Variants in HNRNPC observed in about 807,000 individuals in gnomAD.
HNRNPC encodes heterogeneous nuclear ribonucleoproteins C1/C2.
A neutral mutation model predicts 33.2 loss-of-function variants in HNRNPC; 3 were observed. The observed-to-expected ratio is 0.09, with a 90% CI of 0.04 to 0.23. The LOEUF (loss-of-function observed/expected upper bound fraction) is 0.23, where lower values mean the gene tolerates loss of function less well. HNRNPC is among the 10% of genes least tolerant of loss of function. HNRNPC has a pLI of 1.00. For synonymous variants in HNRNPC, 121 were observed against 126.7 expected, an observed-to-expected ratio of 0.96 and a Z score of 0.30; for missense variants, 143 against 366.7, an observed-to-expected ratio of 0.39 and a Z score of 4.98.
intron 5 of HNRNPC, 120 bp from the exon 6 acceptor site, chr14:21,213,237 T>G: frequency 9.2e-7 from 1 of 1,091,806 alleles, no homozygotes; most frequent in Non-Finnish European, 1.3e-6. Flanking sequence ...TTATTAAATT[T>G]CATTAAGAAG....
chr14:21,228,453 G>A (rs1380037077), intron 5 of HNRNPC, among the ~76,000 whole-genome samples: 2 of 151,996 alleles, frequency 1.3e-5, no homozygotes, highest in African/African-American at 2.4e-5. Context: ...GTGCAGTGGC[G>A]CGATCTCAAC....
intron 2 of HNRNPC, among the ~76,000 whole-genome samples, chr14:21,255,687 A>G (rs911311859): frequency 6.6e-6 from 1 of 152,250 alleles, no homozygotes; most frequent in African/African-American, 2.4e-5. Context: ...TCTTAAGCAC[A>G]TAGTACACAA....
chr14:21,264,615 C>T (rs370654449), intron 1 of HNRNPC: 1 of 152,186 alleles, frequency 6.6e-6, no homozygotes, highest in African/African-American at 2.4e-5. Flanking sequence ...CTGGTTGTTT[C>T]ATCAGCTAAA....
intron 2 of HNRNPC, among the ~76,000 whole-genome samples, chr14:21,245,396 G>A (rs149246185): frequency 5.3e-5 from 8 of 151,942 alleles, no homozygotes; most frequent in South Asian, 2.1e-4. Context: ...CTCGCGAGGC[G>A]GAGGCAGGAG....
chr14:21,229,196 C>T (rs1207992866), intron 5 of HNRNPC, among the ~76,000 whole-genome samples: 1 of 151,688 alleles, frequency 6.6e-6, no homozygotes, highest in Admixed American at 6.6e-5. Flanking sequence ...CGAGATCATC[C>T]TGGCTAACAC....
chr14:21,231,113 C>A, intron 3 of HNRNPC, 41 bp from the exon 4 acceptor site: 1 of 1,555,974 alleles, frequency 6.4e-7, no homozygotes, highest in Non-Finnish European at 8.8e-7. Flanking sequence ...AACTTTGTAT[C>A]CGGGTAAAAC....
At chr14:21,236,208 C>A (rs1011357176) in intron 2 of HNRNPC, among the ~76,000 whole-genome samples, 1 of 152,096 alleles carries the variant, frequency 6.6e-6, no homozygotes, top group African/African-American at 2.4e-5. Context: ...TCCAGGCATA[C>A]AAGGATGCTA....
intron 5 of HNRNPC, among the ~76,000 whole-genome samples, chr14:21,217,267 T>C (rs561674076): frequency 6.6e-6 from 1 of 152,360 alleles, no homozygotes; most frequent in Admixed American, 6.5e-5. Context: ...GCTTGTGTTT[T>C]ATTTCTAAAC....
chr14:21,232,150 AC>A (rs1343402167), intron 3 of HNRNPC, among the ~76,000 whole-genome samples: 1 of 152,148 alleles, frequency 6.6e-6, no homozygotes, highest in East Asian at 1.9e-4. Flanking sequence ...CTACCCTGCC[AC>A]CCACTGCCTA....
chr14:21,226,330 A>T lies in HNRNPC; in HGVS notation c.365+3989T>A, dbSNP rs1475246329. ...AGCACGAGACTCGTTTCCAAAAGAA[A>T]AAAAAAAAAAAAAAAGAAAGAAAGA... On this transcript the variant is annotated intron_variant, in intron 5 of 8. Coordinates refer to ENST00000553300, the MANE Select transcript of HNRNPC (RefSeq NM_004500.4). Among the ~76,000 whole-genome samples the T allele has an allele frequency of 1.2e-4, 8 of 69,110 alleles. No individual in the cohort carries two copies. In the Admixed American group the frequency reaches 1.3e-3, roughly 11 times the overall value. The allele number at this position is 69,110 out of a possible 152,430, so 45.3% of individuals were successfully genotyped here.
intron 2 of HNRNPC, among the ~76,000 whole-genome samples, chr14:21,255,773 A>G (rs549129992): frequency 3.3e-5 from 5 of 152,236 alleles, no homozygotes; most frequent in East Asian, 1.9e-4. Context: ...ATTTCTGGAC[A>G]TATCTCTTAT....
chr14:21,241,112 C>T (rs1340380009), intron 2 of HNRNPC, among the ~76,000 whole-genome samples: 1 of 151,790 alleles, frequency 6.6e-6, no homozygotes, highest in East Asian at 1.9e-4. Flanking sequence ...CTACTAAAGA[C>T]AAAAATTGGT....
chr14:21,243,073 G>A (rs151171925), intron 2 of HNRNPC, among the ~76,000 whole-genome samples: 13 of 152,202 alleles, frequency 8.5e-5, no homozygotes, highest in African/African-American at 2.4e-4. Context: ...TGCAATGAGC[G>A]GAGATCAAGC....
At chr14:21,222,411 A>AT (rs1467683633) in intron 5 of HNRNPC, among the ~76,000 whole-genome samples, 1 of 151,550 alleles carries the variant, frequency 6.6e-6, no homozygotes, top group Non-Finnish European at 1.5e-5. Context: ...GGATTTGCCT[A>AT]TTTTAGGCAT....
intron 2 of HNRNPC, 82 bp downstream of exon 2, chr14:21,263,229 G>T (rs1332240452): frequency 2.0e-5 from 3 of 152,074 alleles, no homozygotes; most frequent in Non-Finnish European, 4.4e-5. Flanking sequence ...ATAATAATAA[G>T]TAATAGTAAC....
intron 5 of HNRNPC, among the ~76,000 whole-genome samples, chr14:21,219,343 GA>G (rs2139519825): frequency 6.6e-6 from 1 of 152,204 alleles, no homozygotes; most frequent in Non-Finnish European, 1.5e-5. Flanking sequence ...AATCAAATCT[GA>G]TGTAGGAATT....
rs1427763252 is a variant in HNRNPC, at chr14:21,238,147, A to G, written c.-36-3918T>C. On this transcript the variant is annotated intron_variant, in intron 2 of 8. Transcript: ENST00000553300. ...AACCACTTGTAGAATGAATAGGTCT[A>G]CTTTTGCTTTTTGCCTCATACAGAT... 2.0e-5 allele frequency among the ~76,000 whole-genome samples: 3 copies of G among 152,210 alleles called. No individual in the cohort carries two copies. The East Asian group carries it at 5.8e-4, about 29-fold the overall frequency.
At chr14:21,223,173 T>C (rs1456285022) in intron 5 of HNRNPC, among the ~76,000 whole-genome samples, 3 of 151,972 alleles carry the variant, frequency 2.0e-5, no homozygotes, top group Non-Finnish European at 2.9e-5. Context: ...GCCATTGCAA[T>C]CCAGCCTGGG....
intron 5 of HNRNPC, among the ~76,000 whole-genome samples, chr14:21,223,680 C>CA (rs1893101737): frequency 6.6e-6 from 1 of 151,968 alleles, no homozygotes; most frequent in South Asian, 2.1e-4. Context: ...ACCCAGGAGA[C>CA]AGAGGTTGCC....
Sources: gnomAD v4.1 joint callset for allele counts (sites outside exome capture counted in the v4.1 genomes callset) on GRCh38, gnomAD v4.1.1 for gene constraint, MANE v1.5 for transcripts, NCBI Gene and HGNC (gene_info 2026-07-23, HGNC 2026-07-21) for gene names.